Variants in TPH1 observed in about 807,000 individuals in gnomAD.
TPH1 encodes tryptophan 5-hydroxylase 1.
A neutral mutation model predicts 49.5 loss-of-function variants in TPH1; 37 were observed. The observed-to-expected ratio is 0.75, with a 90% confidence interval of 0.58 to 0.98. The LOEUF (loss-of-function observed/expected upper bound fraction) is 0.98. TPH1 is among the 50% of genes least tolerant of loss of function. The pLI, the probability that TPH1 is intolerant of heterozygous loss-of-function variation, is 0.00. For synonymous variants in TPH1, 160 were observed against 182.1 expected (o/e 0.88, Z 0.98); for missense variants, 487 against 523.6 (o/e 0.93, Z 0.68).
At chr11:18,031,818 A>G (rs1479141971) in intron 4 of TPH1, among the ~76,000 whole-genome samples, 1 of 152,122 alleles carries the variant, frequency 6.6e-6, no homozygotes, top group African/African-American at 2.4e-5. Flanking sequence ...TTAAGGCCCA[A>G]TTGAAATGTC....
chr11:18,036,395 G>A lies in TPH1; in HGVS notation c.118-253C>T, dbSNP rs1023329849. ...CACACTAGAGGTCCTTCAGATGTCA[G>A]AATTAATCAGAATTCAAATCAAAAT... On this transcript the variant is annotated intron_variant, in intron 2 of 10. Transcript: ENST00000682019. 2.6e-5 allele frequency among the ~76,000 whole-genome samples: 4 copies of A among 152,186 alleles called. No homozygotes were observed. In the East Asian group the frequency reaches 7.7e-4, roughly 29 times the overall value.
At chr11:18,033,764 G>A (rs1302144442) in intron 3 of TPH1, among the ~76,000 whole-genome samples, 3 of 152,154 alleles carry the variant, frequency 2.0e-5, no homozygotes, top group Non-Finnish European at 4.4e-5. Context: ...TTTTGCCGAT[G>A]GAAAAGATCT....
chr11:18,045,370 C>T (rs138012221), intron 1 of TPH1, among the ~76,000 whole-genome samples: 11 of 152,252 alleles, frequency 7.2e-5, no homozygotes, highest in African/African-American at 2.4e-4. Flanking sequence ...GAAGACACAT[C>T]CCTATCTGGA....
At chr11:18,031,679 G>T (rs1847991001) in intron 4 of TPH1, among the ~76,000 whole-genome samples, 1 of 152,138 alleles carries the variant, frequency 6.6e-6, no homozygotes, top group South Asian at 2.1e-4. Context: ...GCAGGACTTA[G>T]TAGATCAGTA....
intron 8 of TPH1, among the ~76,000 whole-genome samples, chr11:18,025,167 C>T (rs977097543): frequency 2.0e-5 from 3 of 152,114 alleles, no homozygotes. Context: ...TTAAGGAAAC[C>T]TATCCTTTTT....
intron 10 of TPH1, among the ~76,000 whole-genome samples, chr11:18,021,577 C>G (rs1854363552): frequency 2.0e-5 from 3 of 152,096 alleles, no homozygotes; most frequent in Admixed American, 2.0e-4. Context: ...CTCAGTCATG[C>G]CTTATATAAC....
intron 1 of TPH1, among the ~76,000 whole-genome samples, chr11:18,044,354 G>A (rs541630096): frequency 5.9e-4 from 90 of 151,938 alleles, no homozygotes; most frequent in Non-Finnish European, 1.1e-3. Flanking sequence ...CCTGGGAGGC[G>A]GAGGTTGCAG....
At chr11:18,034,312 C>T (rs558268782) in intron 3 of TPH1, among the ~76,000 whole-genome samples, 1 of 152,276 alleles carries the variant, frequency 6.6e-6, no homozygotes, top group Admixed American at 6.5e-5. Context: ...TTTTGGAATA[C>T]AGAGGACTAG....
rs923018680 is a variant in TPH1, at chr11:18,020,749, T to C, written c.*242A>G. 111 of 460,854 alleles carry C rather than the reference T, an allele frequency of 2.4e-4. No individual in the cohort carries two copies. Among genetic ancestry groups the C allele is most frequent in the Non-Finnish European group, 3.8e-4 (96 of 251,334 alleles). 28.5% of individuals were successfully genotyped at this position (460,854 alleles called of 1,614,324 possible). On this transcript the variant is annotated 3_prime_UTR_variant, in exon 11 of 11. Coordinates refer to ENST00000682019, the MANE Select transcript of TPH1 (RefSeq NM_004179.3). ...GGTGGTCAGTGGCTTGTATGGTATA[T>C]AAATTGTCTCATTAAAGCTGCTACC...
intron 4 of TPH1, among the ~76,000 whole-genome samples, chr11:18,032,085 T>C (rs184583013): frequency 1.3e-5 from 2 of 152,228 alleles, no homozygotes; most frequent in East Asian, 1.9e-4. Context: ...TAAGGTAGTA[T>C]AAAAAGGTCA....
chr11:18,021,035 C>A lies in TPH1; in HGVS notation c.1291G>T (p.Val431Phe). The A allele has an allele frequency of 6.2e-7, 1 of 1,614,060 alleles. No individual in the cohort carries two copies. The highest frequency in any genetic ancestry group is 8.5e-7 in the Non-Finnish European group (1 of 1,179,976). ...MNELQHDLDV[V>F]SDALAKVSRK... Reference sequence around the variant, plus strand: ...CTGACCTTAGCAAGGGCATCACTGACAACATCGAGATCATGCTGCAGCTCA... The same window carrying A: ...CTGACCTTAGCAAGGGCATCACTGAAAACATCGAGATCATGCTGCAGCTCA... The change falls in exon 11 of 11, where the codon GTC (valine) becomes TTC (phenylalanine). Residue 431 changes from valine to phenylalanine, a missense_variant. By Grantham distance (50) the Val-to-Phe change is conservative. Coordinates refer to ENST00000682019, the MANE Select transcript of TPH1 (RefSeq NM_004179.3).
intron 8 of TPH1, among the ~76,000 whole-genome samples, chr11:18,025,160 A>G (rs1847915828): frequency 1.3e-5 from 2 of 152,212 alleles, no homozygotes; most frequent in African/African-American, 4.8e-5. Flanking sequence ...CATAATTTTA[A>G]GGAAACCTAT....
chr11:18,030,865 G>A (rs1387653502), intron 4 of TPH1, among the ~76,000 whole-genome samples: 1 of 152,174 alleles, frequency 6.6e-6, no homozygotes, highest in African/African-American at 2.4e-5. Context: ...GGAGAGTAAG[G>A]CAGAGCATGT....
At chr11:18,040,305 C>T (rs1590268383) in intron 2 of TPH1, among the ~76,000 whole-genome samples, 1 of 146,622 alleles carries the variant, frequency 6.8e-6, no homozygotes, top group East Asian at 2.0e-4. Context: ...GAAGAGTTTA[C>T]AATAATTTAT....
intron 3 of TPH1, among the ~76,000 whole-genome samples, chr11:18,034,956 G>C (rs1459073084): frequency 1.3e-5 from 2 of 152,194 alleles, no homozygotes; most frequent in Non-Finnish European, 2.9e-5. Context: ...GAAAGACGGG[G>C]AGGTGGGAGA....
At position 18,025,556 on chromosome 11, in the gene TPH1, G is replaced by A; in HGVS notation, c.930+19C>T. ...ACACCCTACCCCAGGTGAAAATATA[G>A]CTAATTCCAGATTTATACCGTTGCC... is the stretch of plus-strand genomic sequence containing the variant. On this transcript the variant is annotated intron_variant, in intron 8 of 10. Transcript: ENST00000682019. 1.2e-6 allele frequency: 2 copies of A among 1,613,530 alleles called. No individual in the cohort carries two copies. The highest frequency in any genetic ancestry group is 1.3e-5 in the African/African-American group (1 of 75,020).
At position 18,040,638 on chromosome 11, in the gene TPH1, A is replaced by G; in HGVS notation, c.117+8T>C. ...AGAATTCTGTGCAAAAATACAGAAA[A>G]TGCTTACCTGAAAGATTTTCAGGGC... On this transcript the variant is annotated splice_region_variant and intron_variant, in intron 2 of 10. Coordinates refer to ENST00000682019, the MANE Select transcript of TPH1 (RefSeq NM_004179.3). 6.2e-7 allele frequency: 1 copy of G among 1,609,432 alleles called. No homozygotes were observed. Among genetic ancestry groups the G allele is most frequent in the Admixed American group, 1.7e-5 (1 of 59,722 alleles).
At chr11:18,045,771 CCTT>C (rs560281394) in intron 1 of TPH1, among the ~76,000 whole-genome samples, 80 of 152,202 alleles carry the variant, frequency 5.3e-4, no homozygotes, top group Admixed American at 1.2e-3. Flanking sequence ...ATCTGAGACT[CCTT>C]CTTCTTCGGG....
rs190219721 is a variant in TPH1, at chr11:18,037,917, G to A, written c.118-1775C>T. ...GTCTGTCCAGCTCCACAGTCCATGT[G>A]CTTAAACACTATGCTGTAATCCTGT... On this transcript the variant is annotated intron_variant, in intron 2 of 10. Transcript: ENST00000682019. 1.6e-3 allele frequency among the ~76,000 whole-genome samples: 245 copies of A among 152,308 alleles called. 1 individual carries two copies. The highest frequency in any genetic ancestry group is 2.9e-3 in the Admixed American group (45 of 15,298).
Sources: gnomAD v4.1 joint callset for allele counts (sites outside exome capture counted in the v4.1 genomes callset) on GRCh38, gnomAD v4.1.1 for gene constraint, MANE v1.5 for transcripts, NCBI Gene and HGNC (gene_info 2026-07-23, HGNC 2026-07-21) for gene names.